Variants in CCDC73 observed in about 807,000 individuals in gnomAD.
CCDC73 encodes the protein coiled-coil domain containing 73.
CCDC73 carries 95 observed loss-of-function variants against 116.5 expected under a neutral mutation model. The ratio of observed to expected loss-of-function variants is 0.82; its 90% CI spans 0.69 to 0.97. CCDC73 has a LOEUF of 0.97. CCDC73 is among the 50% of genes least tolerant of loss of function. CCDC73 has a pLI of 0.00. For missense variants in CCDC73, 1,066 were observed against 1,206.8 expected, an observed-to-expected ratio of 0.88 and a Z score of 1.73; for synonymous variants, 398 against 401.3, an observed-to-expected ratio of 0.99 and a Z score of 0.10.
chr11:32,642,187 T>C, intron 12 of CCDC73, 105 bp from the exon 13 acceptor site: 2 of 1,217,990 alleles, frequency 1.6e-6, no homozygotes, highest in East Asian at 3.1e-5. Context: ...GAAAGTGCCA[T>C]ACAGATCAGT....
rs553898601 is a variant in CCDC73 at position 32,768,427 on chromosome 11, A to G, written c.-15-8169T>C. On this transcript the variant is annotated intron_variant, in intron 1 of 17. Transcript: ENST00000335185. ...CATGGTACATGTATACATATGTAAC[A>G]AACCTGCACGTTGTGCACATGCATC... Among the ~76,000 whole-genome samples, 6 of 152,342 alleles carry G rather than the reference A, an allele frequency of 3.9e-5. No individual in the cohort carries two copies. The East Asian group carries it at 1.2e-3, about 29-fold the overall frequency.
At chr11:32,781,700 G>A (rs2133397127) in intron 1 of CCDC73, among the ~76,000 whole-genome samples, 1 of 152,290 alleles carries the variant, frequency 6.6e-6, no homozygotes, top group African/African-American at 2.4e-5. Flanking sequence ...AAAGGGTCAG[G>A]GGTGGCTACT....
chr11:32,662,529 G>C (rs188218251), intron 9 of CCDC73, among the ~76,000 whole-genome samples: 52 of 151,754 alleles, frequency 3.4e-4, no homozygotes, highest in Admixed American at 3.1e-3. Context: ...TTGTGATGGG[G>C]TTGTTTTTTT....
chr11:32,648,411 A>C (rs1855797216), intron 12 of CCDC73, among the ~76,000 whole-genome samples: 1 of 152,240 alleles, frequency 6.6e-6, no homozygotes, highest in Non-Finnish European at 1.5e-5. Context: ...GGCAATATCT[A>C]AACTTAGAAA....
chr11:32,675,668 A>C lies in CCDC73; in HGVS notation c.566-24T>G, dbSNP rs768459282. The stretch of plus-strand genomic sequence containing the variant: ...TACTGCAACATGAAAGACATTTAAG[A>C]AAGCATTATATTCAATGTATATTTC... On this transcript the variant is annotated intron_variant, in intron 8 of 17. Transcript: ENST00000335185. 2.4e-5 allele frequency: 36 copies of C among 1,522,470 alleles called. No individual in the cohort carries two copies. In the South Asian group the frequency reaches 4.3e-4, roughly 18 times the overall value. The allele number at this position is 1,522,470 out of a possible 1,614,324, so 94.3% of individuals were successfully genotyped here.
chr11:32,705,267 G>A (rs1849845816), intron 3 of CCDC73, among the ~76,000 whole-genome samples: 1 of 152,214 alleles, frequency 6.6e-6, no homozygotes, highest in Non-Finnish European at 1.5e-5. Flanking sequence ...GAGAAGAGCT[G>A]GAGCCCTTCT....
intron 7 of CCDC73, among the ~76,000 whole-genome samples, chr11:32,677,813 A>T (rs1398714761): frequency 6.6e-6 from 1 of 151,742 alleles, no homozygotes; most frequent in Non-Finnish European, 1.5e-5. Flanking sequence ...TTAGCCGGGC[A>T]TGGTGATGCG....
At chr11:32,634,131 A>T (rs1223583101) in intron 14 of CCDC73, among the ~76,000 whole-genome samples, 3 of 152,054 alleles carry the variant, frequency 2.0e-5, no homozygotes, top group Non-Finnish European at 4.4e-5. Context: ...AATCATACCA[A>T]CTCTATACAT....
At chr11:32,657,561 A>G (rs1475057798) in intron 9 of CCDC73, among the ~76,000 whole-genome samples, 1 of 152,096 alleles carries the variant, frequency 6.6e-6, no homozygotes, top group East Asian at 1.9e-4. Context: ...TCTGTGCCCT[A>G]TGTGGCTGAT....
At chr11:32,712,325 T>C (rs2133326537) in intron 3 of CCDC73, among the ~76,000 whole-genome samples, 1 of 152,104 alleles carries the variant, frequency 6.6e-6, no homozygotes, top group South Asian at 2.1e-4. Flanking sequence ...TCCAGTTAGA[T>C]GGAAAGAATA....
intron 2 of CCDC73, among the ~76,000 whole-genome samples, chr11:32,743,597 T>C (rs1006434015): frequency 5.9e-5 from 9 of 152,228 alleles, no homozygotes; most frequent in Non-Finnish European, 8.8e-5. Context: ...CAGTGGTTTG[T>C]AGTTCTCCTG....
Position 32,614,399 on chromosome 11 carries a change from A to T in CCDC73, c.1919T>A (p.Val640Asp). 6.2e-7 allele frequency: 1 copy of T among 1,613,330 alleles called. No individual in the cohort carries two copies. The highest frequency in any genetic ancestry group is 8.5e-7 in the Non-Finnish European group (1 of 1,179,566). ...DSSLDIKKNP[V>D]PCQKYSLRNS... ...CCGTAAACTATATTTCTGACATGGA[A>T]CAGGATTTTTTTTTATATCTAGAGA... The change falls in exon 16 of 18, where the codon GTT (valine) becomes GAT (aspartate). Residue 640 changes from valine to aspartate, a missense_variant. Val to Asp is a radical substitution (Grantham distance 152, BLOSUM62 -3). Transcript: ENST00000335185.
chr11:32,617,121 TGAA>T lies in CCDC73; in HGVS notation c.1186-995_1186-993del, dbSNP rs1467199097. 6.6e-5 allele frequency among the ~76,000 whole-genome samples: 10 copies of T among 152,084 alleles called. No individual in the cohort carries two copies. The South Asian group carries it at 2.1e-3, about 32-fold the overall frequency. On this transcript the variant is annotated intron_variant, in intron 14 of 17. Coordinates refer to ENST00000335185, the MANE Select transcript of CCDC73 (RefSeq NM_001008391.4). ...TAGAGCTTACATGTAGGGAGAAGAA[TGAA>T]GATAAATGAGGCTTGAGGTAAGCTG...
At chr11:32,647,665 G>A (rs1855790466) in intron 12 of CCDC73, among the ~76,000 whole-genome samples, 1 of 152,100 alleles carries the variant, frequency 6.6e-6, no homozygotes, top group Non-Finnish European at 1.5e-5. Flanking sequence ...TCTCGGGCAG[G>A]TTAGCTTCCC....
chr11:32,673,455 T>C (rs1465576272), intron 9 of CCDC73, among the ~76,000 whole-genome samples: 1 of 152,160 alleles, frequency 6.6e-6, no homozygotes, highest in Admixed American at 6.5e-5. Context: ...GTATAAATGC[T>C]TCAATTTTTG....
At position 32,654,014 on chromosome 11, in the gene CCDC73, A is replaced by G; in HGVS notation, c.798T>C (p.Ile266=). 1 of 1,598,770 alleles carries G rather than the reference A, an allele frequency of 6.3e-7. No individual in the cohort carries two copies. The highest frequency in any genetic ancestry group is 1.1e-5 in the South Asian group (1 of 89,260). ...CTTGAATATGGGTAATCTCTTCATT[A>G]ATCTTCTCATTTAATTCCAATTCCT... ...LNMELELNEK[I]NEEITHIQEE... Residue 266 remains isoleucine (I), a synonymous_variant, in exon 11 of 18, where the codon ATT becomes ATC. Coordinates refer to ENST00000335185, the MANE Select transcript of CCDC73 (RefSeq NM_001008391.4).
intron 17 of CCDC73, among the ~76,000 whole-genome samples, chr11:32,607,871 C>T (rs1166832283): frequency 1.3e-5 from 2 of 152,176 alleles, no homozygotes; most frequent in Non-Finnish European, 2.9e-5. Flanking sequence ...GCCTCATAAT[C>T]ATGGCAGAAG....
chr11:32,743,016 T>C (rs1049979564), intron 2 of CCDC73, among the ~76,000 whole-genome samples: 6 of 152,198 alleles, frequency 3.9e-5, no homozygotes, highest in African/African-American at 1.4e-4. Flanking sequence ...TTGGTCTATA[T>C]ATCTGTTTTG....
At chr11:32,666,429 T>G (rs971728555) in intron 9 of CCDC73, among the ~76,000 whole-genome samples, 2 of 152,234 alleles carry the variant, frequency 1.3e-5, no homozygotes, top group African/African-American at 4.8e-5. Flanking sequence ...TCACTGGTAC[T>G]CTTTCTTCCA....
Sources: gnomAD v4.1 joint callset for allele counts (sites outside exome capture counted in the v4.1 genomes callset) on GRCh38, gnomAD v4.1.1 for gene constraint, MANE v1.5 for transcripts, NCBI Gene and HGNC (gene_info 2026-07-23, HGNC 2026-07-21) for gene names.